The following DIAPH3 variants were observed in gnomAD, a reference collection of about 807,000 sequenced individuals.
The protein encoded by DIAPH3 is protein diaphanous homolog 3.
A neutral mutation model predicts 144.3 loss-of-function variants in DIAPH3; 117 were observed. The ratio of observed to expected loss-of-function variants is 0.81; its 90% CI spans 0.70 to 0.95. The LOEUF is 0.95. Ranked by LOEUF, DIAPH3 falls within the 40% of genes least tolerant of loss-of-function variation. DIAPH3 has a pLI of 0.00. For synonymous variants in DIAPH3, 519 were observed against 488.9 expected, an observed-to-expected ratio of 1.06 and a Z score of -0.81; for missense variants, 1,421 against 1,412.7, an observed-to-expected ratio of 1.01 and a Z score of -0.09.
rs10640305 is a variant in DIAPH3 at position 59,668,844 on chromosome 13, TACAC to T, written c.3320-2002_3320-1999del. 9.8e-4 allele frequency among the ~76,000 whole-genome samples: 145 copies of T among 148,348 alleles called. 2 individuals are homozygous for T. In the South Asian group the frequency reaches 0.024, roughly 25 times the overall value. ...ATACACATATATATATATGTATGTA[TACAC>T]ACACACACACACACACACAAAACAC... On this transcript the variant is annotated intron_variant, in intron 27 of 27. Coordinates refer to ENST00000400324, the MANE Select transcript of DIAPH3 (RefSeq NM_001042517.2).
At chr13:60,125,208 T>A (rs2058954511) in intron 2 of DIAPH3, among the ~76,000 whole-genome samples, 1 of 152,008 alleles carries the variant, frequency 6.6e-6, no homozygotes, top group South Asian at 2.1e-4. Context: ...ATTCCCTAGT[T>A]ATGTTGTTTT....
chr13:60,079,434 G>A (rs1445365465), intron 4 of DIAPH3, among the ~76,000 whole-genome samples: 1 of 151,880 alleles, frequency 6.6e-6, no homozygotes, highest in African/African-American at 2.4e-5. Context: ...TTAAAAGAAA[G>A]AATATTATTA....
chr13:59,970,755 A>T, intron 16 of DIAPH3, 97 bp downstream of exon 16: 1 of 1,050,148 alleles, frequency 9.5e-7, no homozygotes, highest in Non-Finnish European at 1.3e-6. Flanking sequence ...TAAATTATGT[A>T]GGCATAAATT....
intron 22 of DIAPH3, among the ~76,000 whole-genome samples, chr13:59,851,670 C>A (rs928206670): frequency 3.3e-5 from 4 of 121,990 alleles, no homozygotes; most frequent in Admixed American, 1.0e-4. Context: ...GACAGCGTTT[C>A]GCTCTTTGCC....
chr13:59,899,319 G>A (rs533399615), intron 20 of DIAPH3, among the ~76,000 whole-genome samples: 2 of 152,190 alleles, frequency 1.3e-5, no homozygotes, highest in Admixed American at 1.3e-4. Flanking sequence ...AGAGAACCCT[G>A]ACTAATACAA....
chr13:59,950,829 T>A (rs560513065), intron 17 of DIAPH3, among the ~76,000 whole-genome samples: 15 of 150,850 alleles, frequency 9.9e-5, no homozygotes, highest in African/African-American at 3.4e-4. Context: ...TGGAAATAAC[T>A]ATATATATAT....
intron 24 of DIAPH3, among the ~76,000 whole-genome samples, chr13:59,825,136 A>C (rs1593564489): frequency 6.6e-6 from 1 of 152,032 alleles, no homozygotes; most frequent in East Asian, 1.9e-4. Context: ...TGCTGCACCC[A>C]TTAACTCGTC....
chr13:59,873,440 T>C lies in DIAPH3; in HGVS notation c.2607+5789A>G, dbSNP rs529942625. On this transcript the variant is annotated intron_variant, in intron 21 of 27. Coordinates refer to ENST00000400324, the MANE Select transcript of DIAPH3 (RefSeq NM_001042517.2). ...GTGTGAGTGTGACAGGTATGCAAAA[T>C]ACAAACTGCCTGAAATAGGCAAAGG... is the stretch of plus-strand genomic sequence containing the variant. Among the ~76,000 whole-genome samples, 4 of 152,220 alleles carry C rather than the reference T, an allele frequency of 2.6e-5. No homozygotes were observed. The East Asian group carries it at 7.7e-4, about 29-fold the overall frequency.
chr13:59,849,887 G>C (rs541513859), intron 22 of DIAPH3, among the ~76,000 whole-genome samples: 1 of 145,070 alleles, frequency 6.9e-6, no homozygotes, highest in Non-Finnish European at 1.5e-5. Flanking sequence ...GGATGGCATT[G>C]AATCTGTAAA....
In DIAPH3 at chr13:59,828,676, G is replaced by C. The variant is rs1435723949; in HGVS notation, c.3027+4431C>G. On this transcript the variant is annotated intron_variant, in intron 24 of 27. Transcript: ENST00000400324. ...TGAAAGACGAGGTGGGACACTCCAT[G>C]CAAAGCACTGGGCACTGGATCTAGT... 2.0e-5 allele frequency among the ~76,000 whole-genome samples: 3 copies of C among 149,556 alleles called. No individual in the cohort carries two copies. The East Asian group carries it at 5.9e-4, about 29-fold the overall frequency.
At chr13:60,057,820 G>C (rs2818949) in intron 4 of DIAPH3, among the ~76,000 whole-genome samples, 85,421 of 151,660 alleles carry the variant, frequency 0.56, 24,668 homozygotes, top group African/African-American at 0.62. Context: ...AATAAATAGT[G>C]CTGAGAAAAT....
At chr13:59,834,226 G>GATAT (rs1347321685) in intron 23 of DIAPH3, among the ~76,000 whole-genome samples, 3 of 151,596 alleles carry the variant, frequency 2.0e-5, no homozygotes, top group Non-Finnish European at 4.4e-5. Flanking sequence ...AATGCAGTCA[G>GATAT]ATATAACATC....
intron 24 of DIAPH3, among the ~76,000 whole-genome samples, chr13:59,819,190 C>T (rs1413091402): frequency 2.0e-5 from 3 of 151,848 alleles, no homozygotes; most frequent in African/African-American, 7.2e-5. Context: ...TCATTTCTAA[C>T]CTGAATAACT....
chr13:60,129,831 C>T, intron 2 of DIAPH3, among the ~76,000 whole-genome samples: 1 of 152,146 alleles, frequency 6.6e-6, no homozygotes, highest in African/African-American at 2.4e-5. Context: ...TTAAAGAGCC[C>T]TCAAAATATC....
At chr13:59,920,596 A>G (rs879721584) in intron 18 of DIAPH3, among the ~76,000 whole-genome samples, 2 of 151,696 alleles carry the variant, frequency 1.3e-5, no homozygotes, top group African/African-American at 4.8e-5. Flanking sequence ...GCATCTAAAT[A>G]TACAAAGAAA....
intron 17 of DIAPH3, among the ~76,000 whole-genome samples, chr13:59,952,224 G>T (rs1480369538): frequency 6.6e-6 from 1 of 152,110 alleles, no homozygotes; most frequent in African/African-American, 2.4e-5. Context: ...AAACAGATTG[G>T]TGATTGCCAG....
At chr13:59,964,983 A>G (rs9570236) in intron 17 of DIAPH3, among the ~76,000 whole-genome samples, 9,032 of 152,248 alleles carry the variant, frequency 0.059, 434 homozygotes, top group East Asian at 0.3. Flanking sequence ...ACATATTTCT[A>G]TGTGTTCACC....
chr13:59,678,909 T>C (rs982751434), intron 27 of DIAPH3, among the ~76,000 whole-genome samples: 1 of 152,170 alleles, frequency 6.6e-6, no homozygotes, highest in African/African-American at 2.4e-5. Flanking sequence ...GTAAGTTATC[T>C]AAAATATGAA....
intron 27 of DIAPH3, among the ~76,000 whole-genome samples, chr13:59,754,577 G>A (rs925442787): frequency 5.3e-5 from 8 of 152,106 alleles, no homozygotes; most frequent in African/African-American, 4.8e-5. Flanking sequence ...ATCTGCAAAA[G>A]CACCCTTTCC....
Sources: gnomAD v4.1 joint callset for allele counts (sites outside exome capture counted in the v4.1 genomes callset) on GRCh38, gnomAD v4.1.1 for gene constraint, MANE v1.5 for transcripts, NCBI Gene and HGNC (gene_info 2026-07-23, HGNC 2026-07-21) for gene names.